The following TOP2B variants were observed in gnomAD, a reference collection of about 807,000 sequenced individuals.
TOP2B encodes the protein DNA topoisomerase 2-beta.
TOP2B carries 51 observed loss-of-function variants against 193.5 expected under a neutral mutation model. The ratio of observed to expected loss-of-function variants is 0.26; its 90% CI spans 0.21 to 0.33. The LOEUF (loss-of-function observed/expected upper bound fraction) is 0.33, where lower values mean the gene tolerates loss of function less well. TOP2B is among the 10% of genes least tolerant of loss of function. The pLI is 1.00. For synonymous variants in TOP2B, 634 were observed against 635.7 expected (o/e 1.00, Z 0.04); for missense variants, 1,378 against 1,909.3 (o/e 0.72, Z 5.19).
chr3:25,634,054 C>T, intron 7 of TOP2B, 40 bp from the exon 8 acceptor site: 1 of 1,491,484 alleles, frequency 6.7e-7, no homozygotes. Flanking sequence ...AAATCTTACA[C>T]TGGCAGCTCA....
intron 30 of TOP2B, among the ~76,000 whole-genome samples, chr3:25,607,806 A>G (rs1332818438): frequency 6.6e-6 from 1 of 152,136 alleles, no homozygotes; most frequent in Non-Finnish European, 1.5e-5. Flanking sequence ...TTTGACACAG[A>G]GTCTTGTTCT....
intron 5 of TOP2B, 55 bp from the exon 6 acceptor site, chr3:25,637,367 C>T (rs1224965357): frequency 1.4e-5 from 19 of 1,329,108 alleles, no homozygotes; most frequent in Non-Finnish European, 1.7e-5. Flanking sequence ...AAAGGAACTT[C>T]GTTAATTTAC....
Position 25,633,874 on chromosome 3 carries a change from T to C in TOP2B, c.993A>G (p.Gln331=). The C allele has an allele frequency of 6.2e-7, 1 of 1,612,066 alleles. No homozygotes were observed. Among genetic ancestry groups the C allele is most frequent in the Non-Finnish European group, 8.5e-7 (1 of 1,179,050 alleles). The change falls in exon 8 of 36, where the codon CAA becomes CAG. Residue 331 remains glutamine (Q), a synonymous_variant. Transcript: ENST00000264331. ...TTGCAATACTATTTACAAAGCTGAT[T>C]TGCTGGAATCCTTTTTCACTCAATG... ...CLTLSEKGFQ[Q]ISFVNSIATT... is the part of the protein sequence containing the mutation.
chr3:25,661,697 A>T (rs1002541072), intron 1 of TOP2B, among the ~76,000 whole-genome samples: 2 of 152,202 alleles, frequency 1.3e-5, no homozygotes, highest in African/African-American at 2.4e-5. Context: ...TACAAATCAA[A>T]CACAAACCAA....
chr3:25,662,711 C>G (rs764565083), intron 1 of TOP2B, among the ~76,000 whole-genome samples: 5 of 152,166 alleles, frequency 3.3e-5, no homozygotes, highest in Non-Finnish European at 7.3e-5. Flanking sequence ...AATTAAAGTA[C>G]TGCTATCAAA....
At chr3:25,611,406 C>T (rs1002447954) in intron 28 of TOP2B, among the ~76,000 whole-genome samples, 19 of 152,150 alleles carry the variant, frequency 1.2e-4, no homozygotes, top group Admixed American at 2.6e-4. Flanking sequence ...AATGCACCTA[C>T]GCTTCAAATA....
chr3:25,598,233 C>A lies in TOP2B; in HGVS notation c.*74G>T. 6.9e-7 allele frequency: 1 copy of A among 1,454,152 alleles called. No homozygotes were observed. The highest frequency in any genetic ancestry group is 9.3e-7 in the Non-Finnish European group (1 of 1,079,836). 90.1% of individuals were successfully genotyped at this position (1,454,152 alleles called of 1,614,324 possible). A position where few individuals can be genotyped will look rare whatever the true frequency, so the allele number is the denominator to read the frequency against. On this transcript the variant is annotated 3_prime_UTR_variant, in exon 36 of 36. Transcript: ENST00000264331. ...ATCACATTAAAATAAGCCAGATGTA[C>A]AAAAGTCTGAGACAGAGAAGACAAA...
In TOP2B at chr3:25,630,900, C is replaced by T; in HGVS notation, c.1306G>A (p.Val436Met). 6.2e-7 allele frequency: 1 copy of T among 1,604,024 alleles called. No individual in the cohort carries two copies. Among genetic ancestry groups the T allele is most frequent in the Non-Finnish European group, 8.5e-7 (1 of 1,175,876 alleles). Residue 436 changes from valine (V) to methionine (M), a missense_variant, in exon 11 of 36, where the codon GTG becomes ATG. Physicochemically the swap from Val to Met is conservative, Grantham distance 21. Around this residue, in one of 9 missense-constraint regions of TOP2B, gnomAD observed 66 missense variants for 153.3 expected, o/e 0.43. Coordinates refer to ENST00000264331, the MANE Select transcript of TOP2B (RefSeq NM_001330700.2). ...AGCTGAGTCTGAGCCTTAAATTTCA[C>T]CCAGTTCAGGATACTTTCTACAATG... ...CGIVESILNWVKFKAQTQLNK... is the reference protein window; with the variant it reads ...CGIVESILNWMKFKAQTQLNK...
chr3:25,601,723 T>C (rs1024874925), intron 33 of TOP2B, among the ~76,000 whole-genome samples: 4 of 152,234 alleles, frequency 2.6e-5, no homozygotes, highest in Non-Finnish European at 5.9e-5. Context: ...TATTTAATTA[T>C]GTATAATTTG....
chr3:25,620,186 A>G, intron 22 of TOP2B, 124 bp from the exon 23 acceptor site: 2 of 642,860 alleles, frequency 3.1e-6, no homozygotes, highest in East Asian at 5.5e-5. Flanking sequence ...CTCAATCTCT[A>G]TCATCTCCTA....
Position 25,615,285 on chromosome 3 carries a change from G to C in TOP2B, c.3511C>G (p.Arg1171Gly). 1.2e-6 allele frequency: 2 copies of C among 1,607,460 alleles called. No homozygotes were observed. Among genetic ancestry groups the C allele is most frequent in the Non-Finnish European group, 1.7e-6 (2 of 1,177,264 alleles). The change falls in exon 27 of 36, where the codon CGA becomes GGA. Residue 1171 changes from arginine to glycine, a missense_variant. By Grantham distance (125) the Arg-to-Gly change is moderately radical. Coordinates refer to ENST00000264331, the MANE Select transcript of TOP2B (RefSeq NM_001330700.2). Reference protein sequence around the residue: ...ELIKQRDAKGREVNDLKRKSP... With the variant: ...ELIKQRDAKGGEVNDLKRKSP... ...TTTCTTTTAAGATCATTGACCTCTC[G>C]CCCCTATAATAAAAAAGTACAGTTT... is the stretch of plus-strand genomic sequence containing the variant.
intron 25 of TOP2B, chr3:25,618,054 G>C (rs919950328): frequency 4.6e-5 from 9 of 197,722 alleles, no homozygotes; most frequent in Non-Finnish European, 8.3e-5. Flanking sequence ...AACATAGGCT[G>C]ATTCTGGGTG....
At chr3:25,601,038 G>GA (rs1321498936) in intron 34 of TOP2B, 62 bp downstream of exon 34, 17 of 1,552,452 alleles carry the variant, frequency 1.1e-5, no homozygotes, top group Non-Finnish European at 1.3e-5. Flanking sequence ...CAATGAGGTA[G>GA]AAAAAATTCA....
At chr3:25,602,418 A>AAAAAAAAAAAAAAG (rs1559490134) in intron 33 of TOP2B, among the ~76,000 whole-genome samples, 6 of 105,040 alleles carry the variant, frequency 5.7e-5, no homozygotes, top group Admixed American at 9.8e-5. Flanking sequence ...AAGAAAAAGA[A>AAAAAAAAAAAAAAG]AAAAAAAAAA....
chr3:25,626,750 G>A, intron 17 of TOP2B, 22 bp downstream of exon 17: 1 of 1,577,388 alleles, frequency 6.3e-7, no homozygotes, highest in Non-Finnish European at 8.7e-7. Context: ...CTTTCCCCAG[G>A]TCACCACTCT....
intron 7 of TOP2B, among the ~76,000 whole-genome samples, chr3:25,634,829 A>G (rs1402652975): frequency 1.3e-5 from 2 of 151,828 alleles, no homozygotes; most frequent in Non-Finnish European, 2.9e-5. Context: ...AGGGCAGGAA[A>G]CCTCAAGGAC....
At chr3:25,603,541 C>A (rs113049090) in intron 33 of TOP2B, among the ~76,000 whole-genome samples, 1 of 152,114 alleles carries the variant, frequency 6.6e-6, no homozygotes, top group African/African-American at 2.4e-5. Flanking sequence ...CTGCGCCCAG[C>A]CTGATTGTTT....
At chr3:25,657,610 T>C (rs1043882931) in intron 1 of TOP2B, among the ~76,000 whole-genome samples, 46 of 151,912 alleles carry the variant, frequency 3.0e-4, no homozygotes, top group Admixed American at 2.0e-3. Context: ...ATCTGACACA[T>C]GCAGGCTAAC....
At chr3:25,612,199 C>A (rs1237515553) in intron 28 of TOP2B, among the ~76,000 whole-genome samples, 1 of 152,114 alleles carries the variant, frequency 6.6e-6, no homozygotes, top group Non-Finnish European at 1.5e-5. Context: ...GCCTCAGCCT[C>A]CCAAAGTGCT....
Sources: allele counts gnomAD v4.1 joint callset (sites outside exome capture counted in the v4.1 genomes callset), GRCh38; gene constraint gnomAD v4.1.1; regional missense constraint gnomAD v4.1.1; transcripts MANE v1.5; gene names NCBI Gene and HGNC (gene_info 2026-07-23, HGNC 2026-07-21).